The following NPHP1 variants were observed in gnomAD, a reference collection of about 807,000 sequenced individuals.
NPHP1 encodes the protein nephrocystin 1.
A neutral mutation model predicts 90.4 loss-of-function variants in NPHP1; 70 were observed. The ratio of observed to expected loss-of-function variants is 0.77; its 90% CI spans 0.64 to 0.95. The LOEUF is 0.95. Among genes scored for constraint, NPHP1 ranks in the 40% least tolerant of loss-of-function variants. NPHP1 has a pLI of 0.00. For synonymous variants in NPHP1, 256 were observed against 271.7 expected (o/e 0.94, Z 0.57); for missense variants, 764 against 795.9 (o/e 0.96, Z 0.48).
chr2:110,186,954 A>C (rs1684322129), intron 2 of NPHP1, among the ~76,000 whole-genome samples: 1 of 152,190 alleles, frequency 6.6e-6, no homozygotes, highest in Non-Finnish European at 1.5e-5. Context: ...AGCAGAAATC[A>C]AGAAGTTCTT....
intron 14 of NPHP1, 27 bp downstream of exon 14, chr2:110,146,726 T>C (rs764677899): frequency 6.6e-6 from 10 of 1,512,876 alleles, no homozygotes; most frequent in Non-Finnish European, 9.2e-6. Flanking sequence ...GAAGTATTCA[T>C]TCGTTAGGAA....
chr2:110,174,668 A>C (rs2104597011), intron 4 of NPHP1, among the ~76,000 whole-genome samples: 1 of 152,260 alleles, frequency 6.6e-6, no homozygotes, highest in South Asian at 2.1e-4. Flanking sequence ...GTGGACATAC[A>C]CAAAGCAGCA....
At chr2:110,173,926 AT>A (rs897570331) in intron 4 of NPHP1, among the ~76,000 whole-genome samples, 2 of 151,966 alleles carry the variant, frequency 1.3e-5, no homozygotes, top group Non-Finnish European at 2.9e-5. Flanking sequence ...ATTTAGGAAG[AT>A]TTTTTTTCCT....
intron 6 of NPHP1, among the ~76,000 whole-genome samples, chr2:110,167,694 G>A (rs537150209): frequency 6.6e-6 from 1 of 152,220 alleles, no homozygotes; most frequent in East Asian, 1.9e-4. Flanking sequence ...TGAATGTATA[G>A]CCAGTCAGTC....
chr2:110,197,322 G>A (rs1165993126), intron 2 of NPHP1, among the ~76,000 whole-genome samples: 1 of 151,934 alleles, frequency 6.6e-6, no homozygotes, highest in Non-Finnish European at 1.5e-5. Flanking sequence ...AATAAAAAAC[G>A]TTTTAAAGGG....
At chr2:110,124,277 G>A (rs1679197773) in intron 19 of NPHP1, 1 of 622,798 alleles carries the variant, frequency 1.6e-6, no homozygotes, top group Non-Finnish European at 2.9e-6. Context: ...AGTTCTCCCT[G>A]AGAGCCTCTA....
intron 11 of NPHP1, among the ~76,000 whole-genome samples, chr2:110,158,035 T>C (rs755714371): frequency 2.0e-5 from 3 of 152,188 alleles, no homozygotes; most frequent in South Asian, 2.1e-4. Flanking sequence ...ATTTTCTAAT[T>C]TCCCATGAAA....
intron 1 of NPHP1, among the ~76,000 whole-genome samples, chr2:110,204,461 G>A (rs888822552): frequency 1.2e-4 from 19 of 152,098 alleles, no homozygotes; most frequent in Admixed American, 1.2e-3. Flanking sequence ...AGTTCACGGA[G>A]GCAATAATAA....
intron 16 of NPHP1, among the ~76,000 whole-genome samples, chr2:110,142,642 A>T (rs1022641615): frequency 6.6e-6 from 1 of 152,054 alleles, no homozygotes; most frequent in Non-Finnish European, 1.5e-5. Context: ...GTGAGCCACC[A>T]TGCCCAGCCT....
intron 2 of NPHP1, among the ~76,000 whole-genome samples, chr2:110,180,766 T>C (rs1186640087): frequency 6.6e-6 from 1 of 151,822 alleles, no homozygotes; most frequent in Non-Finnish European, 1.5e-5. Context: ...AAGTGGTGAG[T>C]GACCATGCAA....
chr2:110,130,828 C>A (rs1048840491), intron 17 of NPHP1, among the ~76,000 whole-genome samples: 1 of 152,168 alleles, frequency 6.6e-6, no homozygotes, highest in South Asian at 2.1e-4. Flanking sequence ...CTCAAAGAAG[C>A]CTTTCCTTAC....
At chr2:110,166,086 A>G (rs1340742153) in intron 6 of NPHP1, among the ~76,000 whole-genome samples, 2 of 152,226 alleles carry the variant, frequency 1.3e-5, no homozygotes, top group Non-Finnish European at 2.9e-5. Flanking sequence ...AAAATTTTAA[A>G]GATTGCTAAC....
chr2:110,168,183 C>T (rs1682846048), intron 6 of NPHP1, among the ~76,000 whole-genome samples: 1 of 152,078 alleles, frequency 6.6e-6, no homozygotes, highest in Admixed American at 6.6e-5. Flanking sequence ...ACAATAGACA[C>T]CTATTATTTG....
At chr2:110,182,918 C>T (rs1239760055) in intron 2 of NPHP1, among the ~76,000 whole-genome samples, 1 of 151,898 alleles carries the variant, frequency 6.6e-6, no homozygotes, top group East Asian at 1.9e-4. Context: ...TGCAAAGACA[C>T]ACATAGGTTC....
intron 11 of NPHP1, among the ~76,000 whole-genome samples, chr2:110,158,602 T>A (rs1682082151): frequency 1.3e-5 from 2 of 152,088 alleles, no homozygotes; most frequent in Admixed American, 6.5e-5. Flanking sequence ...TCTTTTCTCA[T>A]CCTTTTTTTC....
At chr2:110,191,787 C>T (rs1490840749) in intron 2 of NPHP1, among the ~76,000 whole-genome samples, 4 of 152,132 alleles carry the variant, frequency 2.6e-5, no homozygotes, top group African/African-American at 4.8e-5. Context: ...CTCATACAGC[C>T]GGGTACTCCT....
At chr2:110,173,359 A>T (rs1683299533) in intron 4 of NPHP1, among the ~76,000 whole-genome samples, 1 of 152,102 alleles carries the variant, frequency 6.6e-6, no homozygotes, top group Non-Finnish European at 1.5e-5. Context: ...CAATTACTTT[A>T]TGGTCCAATA....
At chr2:110,124,629 A>G in intron 19 of NPHP1, 1 of 181,570 alleles carries the variant, frequency 5.5e-6, no homozygotes, top group Non-Finnish European at 1.2e-5. Flanking sequence ...TCAAGCCCCG[A>G]TGCCCACAGG....
chr2:110,153,850 G>T (rs561937007), intron 11 of NPHP1, among the ~76,000 whole-genome samples: 3 of 152,192 alleles, frequency 2.0e-5, no homozygotes, highest in Admixed American at 2.0e-4. Flanking sequence ...GGGTGTGGTA[G>T]TGAGCACCTG....
Sources: gnomAD v4.1 joint callset for allele counts (sites outside exome capture counted in the v4.1 genomes callset) on GRCh38, gnomAD v4.1.1 for gene constraint, MANE v1.5 for transcripts, NCBI Gene and HGNC (gene_info 2026-07-23, HGNC 2026-07-21) for gene names.